Variants in FAHD2A observed in about 807,000 individuals in gnomAD.
FAHD2A encodes fumarylacetoacetate hydrolase domain containing 2A.
In FAHD2A, 27 loss-of-function variants were observed where a neutral mutation model predicts 33.4. That is an observed-to-expected ratio of 0.81 (90% CI 0.60 to 1.11). The LOEUF is 1.11. FAHD2A is among the 50% of genes most tolerant of loss of function. The pLI, the probability that FAHD2A is intolerant of heterozygous loss-of-function variation, is 0.00. For synonymous variants in FAHD2A, 130 were observed against 153.3 expected (o/e 0.85, Z 1.12); for missense variants, 296 against 395.0 (o/e 0.75, Z 2.12).
chr2:95,419,263 G>A (rs1278256667), downstream of FAHD2A, among the ~76,000 whole-genome samples: 5 of 152,056 alleles, frequency 3.3e-5, no homozygotes, highest in Admixed American at 2.0e-4. Context: ...TAAGAAATGT[G>A]TTCATGAAGA....
Position 95,414,412 on chromosome 2 carries a change from G to C in FAHD2A, c.*1455G>C. On this transcript the variant is annotated 3_prime_UTR_variant, in exon 8 of 8. Transcript: ENST00000233379. The stretch of plus-strand genomic sequence containing the variant: ...GATGTGGTGGGATGGGGAAGGAAAG[G>C]TTGTGGAAGGCCTGCACCCCGTCTC... 1 of 609,392 alleles carries C rather than the reference G, an allele frequency of 1.6e-6. No homozygotes were observed. The highest frequency in any genetic ancestry group is 2.9e-5 in the East Asian group (1 of 34,476). 37.7% of individuals were successfully genotyped at this position (609,392 alleles called of 1,614,324 possible).
Position 95,413,935 on chromosome 2 carries a change from AGAT to A in FAHD2A, c.*980_*982del, listed in dbSNP as rs2104383166. On this transcript the variant is annotated 3_prime_UTR_variant, in exon 8 of 8. Coordinates refer to ENST00000233379, the MANE Select transcript of FAHD2A (RefSeq NM_016044.3). ...ATTGGGGTGGGAGCAGGGGGACAGA[AGAT>A]GGTGACACTGGCTCCTCTCACCCCT... 8.3e-7 allele frequency: 1 copy of A among 1,208,550 alleles called. No homozygotes were observed. The highest frequency in any genetic ancestry group is 2.3e-5 in the East Asian group (1 of 42,884). 74.9% of individuals were successfully genotyped at this position (1,208,550 alleles called of 1,614,324 possible).
chr2:95,407,310 G>A, intron 3 of FAHD2A, 153 bp downstream of exon 3: 9 of 1,111,712 alleles, frequency 8.1e-6, no homozygotes, highest in South Asian at 1.8e-5. Context: ...ACTGGCCTTG[G>A]AAAAAAAAAG....
chr2:95,413,412 G>C lies in FAHD2A; in HGVS notation c.*455G>C. 6.3e-7 allele frequency: 1 copy of C among 1,598,824 alleles called. No homozygotes were observed. The highest frequency in any genetic ancestry group is 8.5e-7 in the Non-Finnish European group (1 of 1,176,282). On this transcript the variant is annotated 3_prime_UTR_variant, in exon 8 of 8. Transcript: ENST00000233379. ...TGGCTCTAGGACACAGCTGTGTTCT[G>C]GGGCTCAGAAGTCTCAGCACAGGCT...
Position 95,410,605 on chromosome 2 carries a change from G to C in FAHD2A, c.522+19G>C. On this transcript the variant is annotated intron_variant, in intron 4 of 7. Coordinates refer to ENST00000233379, the MANE Select transcript of FAHD2A (RefSeq NM_016044.3). ...CATCAAGGTGAGGTGGAAAGGGTGG[G>C]CTCCCAGTCCAGAGTGCAGCAGAGG... The C allele has an allele frequency of 4.3e-6, 7 of 1,612,766 alleles. No homozygotes were observed. Among genetic ancestry groups the C allele is most frequent in the Non-Finnish European group, 5.9e-6 (7 of 1,179,420 alleles).
rs1327504304 is a variant in FAHD2A at position 95,411,041 on chromosome 2, C to T, written c.685+15C>T. On this transcript the variant is annotated intron_variant, in intron 5 of 7. Coordinates refer to ENST00000233379, the MANE Select transcript of FAHD2A (RefSeq NM_016044.3). ...CAGTGTAGCAGGTAGGTCCCTGGTC[C>T]CTGCCCCCTTATACCTACCATTGCA... 5.0e-6 allele frequency: 8 copies of T among 1,613,446 alleles called. No individual in the cohort carries two copies. In the African/African-American group the frequency reaches 1.1e-4, roughly 22 times the overall value.
intron 3 of FAHD2A, among the ~76,000 whole-genome samples, chr2:95,408,684 C>T (rs188664915): frequency 6.6e-6 from 1 of 152,326 alleles, no homozygotes; most frequent in Non-Finnish European, 1.5e-5. Context: ...CAGTCATCTC[C>T]CACCGGGTCC....
intron 7 of FAHD2A, 51 bp downstream of exon 7, chr2:95,412,815 G>A (rs1387926895): frequency 1.2e-6 from 2 of 1,614,090 alleles, no homozygotes; most frequent in Admixed American, 1.7e-5. Context: ...TGGCAGGCTT[G>A]CCTCAGACTT....
chr2:95,412,602 C>T, intron 6 of FAHD2A, 60 bp downstream of exon 6: 2 of 1,613,512 alleles, frequency 1.2e-6, no homozygotes, highest in Admixed American at 1.7e-5. Flanking sequence ...TGGAGGCTGA[C>T]CTGAGCCCTC....
At chr2:95,420,158 G>A (rs1683294673), downstream of FAHD2A, among the ~76,000 whole-genome samples, 1 of 152,044 alleles carries the variant, frequency 6.6e-6, no homozygotes, top group Admixed American at 6.5e-5. Context: ...ACTTTATTCA[G>A]TCAGCTGATT....
intron 5 of FAHD2A, among the ~76,000 whole-genome samples, 155 bp downstream of exon 5, chr2:95,411,181 C>T (rs1017878532): frequency 5.3e-5 from 8 of 152,214 alleles, no homozygotes; most frequent in Admixed American, 2.0e-4. Flanking sequence ...TCCTCAGCCA[C>T]GAGTTCTCCC....
intron 1 of FAHD2A, among the ~76,000 whole-genome samples, chr2:95,403,764 CTTAA>C (rs1355137248): frequency 6.6e-6 from 1 of 152,184 alleles, no homozygotes; most frequent in African/African-American, 2.4e-5. Flanking sequence ...CTCTTTAAGC[CTTAA>C]TTGTTTCATC....
Position 95,411,031 on chromosome 2 carries a change from G to A in FAHD2A, c.685+5G>A, listed in dbSNP as rs777526179. 3.7e-6 allele frequency: 6 copies of A among 1,613,792 alleles called. No homozygotes were observed. Among genetic ancestry groups the A allele is most frequent in the Admixed American group, 3.3e-5 (2 of 60,010 alleles). On this transcript the variant is annotated splice_donor_5th_base_variant and intron_variant, in intron 5 of 7. Transcript: ENST00000233379. Reference sequence around the variant, plus strand: ...TGACCAAGGACAGTGTAGCAGGTAGGTCCCTGGTCCCTGCCCCCTTATACC... The same window carrying A: ...TGACCAAGGACAGTGTAGCAGGTAGATCCCTGGTCCCTGCCCCCTTATACC...
At chr2:95,420,244 C>T (rs1206156822), downstream of FAHD2A, among the ~76,000 whole-genome samples, 1 of 152,058 alleles carries the variant, frequency 6.6e-6, no homozygotes, top group Admixed American at 6.5e-5. Flanking sequence ...CCTGGGCACC[C>T]CATGGTCTAA....
At chr2:95,412,873 G>C (rs759268841) in intron 7 of FAHD2A, 22 bp from the exon 8 acceptor site, 14 of 1,614,272 alleles carry the variant, frequency 8.7e-6, no homozygotes, top group South Asian at 2.2e-5. Flanking sequence ...GGCTGACACT[G>C]TCATGGCCTG....
Position 95,405,599 on chromosome 2 carries a change from T to C in FAHD2A, c.41T>C (p.Leu14Pro). 2 of 1,614,014 alleles carry C rather than the reference T, an allele frequency of 1.2e-6. No homozygotes were observed. Among genetic ancestry groups the C allele is most frequent in the Non-Finnish European group, 1.7e-6 (2 of 1,179,878 alleles). Residue 14 changes from leucine (L) to proline (P), a missense_variant, in exon 2 of 8, where the codon CTG (leucine) becomes CCG (proline). Transcript: ENST00000233379. Reference protein sequence around the residue: ...SGRRRLLTVLLQAQKWPFQPS... With the variant: ...SGRRRLLTVLPQAQKWPFQPS... ...AGAAGAAGGTTACTCACAGTTCTGC[T>C]GCAGGCTCAGAAGTGGCCCTTTCAA...
chr2:95,411,738 A>G (rs1682549809), intron 5 of FAHD2A, among the ~76,000 whole-genome samples: 1 of 152,228 alleles, frequency 6.6e-6, no homozygotes. Context: ...AGCATCCAGT[A>G]CACGAGGCTT....
downstream of FAHD2A, among the ~76,000 whole-genome samples, chr2:95,421,114 G>A (rs924117144): frequency 7.3e-6 from 1 of 137,132 alleles, no homozygotes; most frequent in African/African-American, 3.1e-5. Flanking sequence ...GCAGAGTCCA[G>A]CCAGTGGAAA....
At position 95,405,804 on chromosome 2, in the gene FAHD2A, G is replaced by T; in HGVS notation, c.245+1G>T. The T allele has an allele frequency of 6.2e-7, 1 of 1,605,692 alleles. No homozygotes were observed. ...AGGCCACCCTCTCAGTGGCAAGAAG[G>T]TAAGTAAGTGGGCAGCATCGCCCTG... On this transcript the variant is annotated splice_donor_variant, in intron 2 of 7. Coordinates refer to ENST00000233379, the MANE Select transcript of FAHD2A (RefSeq NM_016044.3). LOFTEE classifies it high-confidence loss of function.
Sources: gnomAD v4.1 joint callset for allele counts (sites outside exome capture counted in the v4.1 genomes callset) on GRCh38, gnomAD v4.1.1 for gene constraint, MANE v1.5 for transcripts, NCBI Gene and HGNC (gene_info 2026-07-23, HGNC 2026-07-21) for gene names.